The following MAP1S variants were observed in gnomAD, a reference collection of about 807,000 sequenced individuals.
MAP1S encodes microtubule associated protein 1S.
In MAP1S, 27 loss-of-function variants were observed where a neutral mutation model predicts 60.9. The ratio of observed to expected loss-of-function variants is 0.44; its 90% CI spans 0.33 to 0.61. MAP1S has a LOEUF of 0.61. Among genes scored for constraint, MAP1S ranks in the 20% least tolerant of loss-of-function variants. MAP1S has a pLI of 0.03. For missense variants in MAP1S, 1,608 were observed against 1,486.6 expected (o/e 1.08, Z -1.34); for synonymous variants, 826 against 694.2 (o/e 1.19, Z -2.98).
Position 17,725,876 on chromosome 19 carries a change from A to T in MAP1S, c.492A>T (p.Ile164=). 5 of 1,613,278 alleles carry T rather than the reference A, an allele frequency of 3.1e-6. No homozygotes were observed. Among genetic ancestry groups the T allele is most frequent in the Non-Finnish European group, 4.2e-6 (5 of 1,179,882 alleles). Reference sequence around the variant, plus strand: ...CGCCCCCACCTGTGCAGCCGCCCATACTCACCATCACCTGCCCCACCTTCG... The same window carrying T: ...CGCCCCCACCTGTGCAGCCGCCCATTCTCACCATCACCTGCCCCACCTTCG... The part of the protein sequence containing the change: ...ATTPPPVQPP[I]LTITCPTFGD... Residue 164 remains isoleucine (I), a synonymous_variant, in exon 5 of 7, where the codon ATA becomes ATT. Transcript: ENST00000324096. The surrounding 1 kb of genome is among the most constrained non-coding windows in gnomAD (Gnocchi z 4.2).
Position 17,728,118 on chromosome 19 carries a change from GCA to G in MAP1S, c.2736_2737del (p.Leu914ValfsTer51). The part of the protein sequence containing the change: ...RSEPSEKGGR[A>X]PLSRKSSTPK... ...TGAGCCCAGTGAGAAGGGAGGCCGGGCACCCCTGTCCAGAAAGTCCTCAACCC... is the reference window on the plus strand; with the variant it reads ...TGAGCCCAGTGAGAAGGGAGGCCGGGCCCCTGTCCAGAAAGTCCTCAACCC... On this transcript the variant is annotated frameshift_variant, in exon 5 of 7. Coordinates refer to ENST00000324096, the MANE Select transcript of MAP1S (RefSeq NM_018174.6). LOFTEE classifies it high-confidence loss of function. 6.2e-7 allele frequency: 1 copy of G among 1,611,508 alleles called. No homozygotes were observed. The highest frequency in any genetic ancestry group is 8.5e-7 in the Non-Finnish European group (1 of 1,178,966).
At chr19:17,721,811 C>T (rs1372569619) in intron 2 of MAP1S, among the ~76,000 whole-genome samples, 1 of 152,116 alleles carries the variant, frequency 6.6e-6, no homozygotes, top group African/African-American at 2.4e-5. Context: ...ATACAGTAGG[C>T]AGGGAACTGA....
Position 17,734,343 on chromosome 19 carries a change from A to C in MAP1S, c.3095A>C (p.Gln1032Pro), listed in dbSNP as rs1371178089. Residue 1032 changes from glutamine to proline, a missense_variant, in exon 7 of 7, where the codon CAG (glutamine) becomes CCG (proline). Transcript: ENST00000324096. ...TACGCAGAGACGCACGCCCGGCACC[A>C]GGCGCTGGGCATCACGGTGTTGGGC... ...TWYAETHARHQALGITVLGSN... is the reference protein window; with the variant it reads ...TWYAETHARHPALGITVLGSN... 1 of 1,613,748 alleles carries C rather than the reference A, an allele frequency of 6.2e-7. No homozygotes were observed. The highest frequency in any genetic ancestry group is 8.5e-7 in the Non-Finnish European group (1 of 1,179,934).
rs72339292 is a variant in MAP1S at position 17,729,528 on chromosome 19, CAG to C, written c.2788+1359_2788+1360del. Among the ~76,000 whole-genome samples, 1,380 of 152,202 alleles carry C rather than the reference CAG, an allele frequency of 9.1e-3. 25 individuals are homozygous for C. Among genetic ancestry groups the C allele is most frequent in the African/African-American group, 0.032 (1,332 of 41,530 alleles). The stretch of plus-strand genomic sequence containing the variant: ...GCTGTTCTTTGTTTTTTTTCTGAGA[CAG>C]AGTCTCACTCTGTCATCCAGGCTGG... On this transcript the variant is annotated intron_variant, in intron 5 of 6. Transcript: ENST00000324096.
At position 17,726,661 on chromosome 19, in the gene MAP1S, A is replaced by AGGTGGTGCGCGTGCTGTTCCCC; in HGVS notation, c.1281_1302dup (p.Cys435GlyfsTer66). Reference sequence around the variant, plus strand: ...TGGCACCCCGCCGGCCCCGGCGAGAAGGTGGTGCGCGTGCTGTTCCCCGGT... The same window carrying AGGTGGTGCGCGTGCTGTTCCCC: ...TGGCACCCCGCCGGCCCCGGCGAGAAGGTGGTGCGCGTGCTGTTCCCCGGTGGTGCGCGTGCTGTTCCCCGGT... On this transcript the variant is annotated frameshift_variant, in exon 5 of 7. Transcript: ENST00000324096. LOFTEE classifies it high-confidence loss of function. 6.3e-7 allele frequency: 1 copy of AGGTGGTGCGCGTGCTGTTCCCC among 1,582,028 alleles called. No individual in the cohort carries two copies. Among genetic ancestry groups the AGGTGGTGCGCGTGCTGTTCCCC allele is most frequent in the Non-Finnish European group, 8.6e-7 (1 of 1,168,198 alleles).
In MAP1S at chr19:17,727,264, C is replaced by T. The variant is rs1398977228; in HGVS notation, c.1880C>T (p.Pro627Leu). 2.5e-6 allele frequency: 4 copies of T among 1,577,434 alleles called. No individual in the cohort carries two copies. Among genetic ancestry groups the T allele is most frequent in the Non-Finnish European group, 3.4e-6 (4 of 1,167,182 alleles). ...PAGEEKALELPLAASSIPRPR... is the reference protein window; with the variant it reads ...PAGEEKALELLLAASSIPRPR... ...GGGGAGGAGAAGGCACTGGAGCTGCCTTTGGCCGCCAGCTCAATCCCAAGG... is the reference window on the plus strand; with the variant it reads ...GGGGAGGAGAAGGCACTGGAGCTGCTTTTGGCCGCCAGCTCAATCCCAAGG... The change falls in exon 5 of 7, where the codon CCT (proline) becomes CTT (leucine). Residue 627 changes from proline to leucine, a missense_variant. Coordinates refer to ENST00000324096, the MANE Select transcript of MAP1S (RefSeq NM_018174.6). The surrounding 1 kb of genome is among the most constrained non-coding windows in gnomAD (Gnocchi z 4.1).
intron 2 of MAP1S, chr19:17,721,398 C>A (rs111582267): frequency 3.5e-5 from 12 of 346,930 alleles, no homozygotes; most frequent in African/African-American, 2.6e-4. Context: ...TAGAATGAAC[C>A]GGGCGCGGTG....
At position 17,726,559 on chromosome 19, in the gene MAP1S, G is replaced by A. The variant is rs1213950939; in HGVS notation, c.1175G>A (p.Arg392Gln). 3 of 1,573,662 alleles carry A rather than the reference G, an allele frequency of 1.9e-6. No individual in the cohort carries two copies. The highest frequency in any genetic ancestry group is 2.6e-6 in the Non-Finnish European group (3 of 1,164,948). ...TVLFEKMGVGRLDMYVLHPPS... is the reference protein window; with the variant it reads ...TVLFEKMGVGQLDMYVLHPPS... ...CTCTTCGAGAAGATGGGCGTGGGCC[G>A]GCTGGACATGTATGTGCTGCACCCG... The change falls in exon 5 of 7, where the codon CGG becomes CAG. Residue 392 changes from arginine (R) to glutamine (Q), a missense_variant. Arg to Gln is a conservative substitution (Grantham distance 43). Coordinates refer to ENST00000324096, the MANE Select transcript of MAP1S (RefSeq NM_018174.6).
intron 5 of MAP1S, 93 bp from the exon 6 acceptor site, chr19:17,733,100 G>A: frequency 1.3e-6 from 1 of 780,184 alleles, no homozygotes; most frequent in Non-Finnish European, 2.0e-6. Flanking sequence ...GCTGAGGAGG[G>A]AGCTGCTCTG....
chr19:17,726,353 C>T lies in MAP1S; in HGVS notation c.969C>T (p.Asp323=). The part of the protein sequence containing the change: ...SEVAAGGGSW[D]DRLRRLISPN... ...TGGCTGCTGGTGGGGGCTCCTGGGACGACAGGCTGCGCAGGCTCATCTCCC... is the reference window on the plus strand; with the variant it reads ...TGGCTGCTGGTGGGGGCTCCTGGGATGACAGGCTGCGCAGGCTCATCTCCC... Residue 323 remains aspartate (D), a synonymous_variant, in exon 5 of 7, where the codon GAC becomes GAT. Transcript: ENST00000324096. 5 of 1,599,494 alleles carry T rather than the reference C, an allele frequency of 3.1e-6. No homozygotes were observed. Among genetic ancestry groups the T allele is most frequent in the East Asian group, 2.2e-5 (1 of 44,716 alleles).
chr19:17,720,020 C>A, intron 1 of MAP1S: 1 of 690,048 alleles, frequency 1.4e-6, no homozygotes, highest in Non-Finnish European at 1.8e-6. Flanking sequence ...AGATAGAGAT[C>A]TCCCGGAGGG....
chr19:17,727,764 C>T lies in MAP1S; in HGVS notation c.2380C>T (p.Leu794=), dbSNP rs1183273816. 6.2e-7 allele frequency: 1 copy of T among 1,609,586 alleles called. No homozygotes were observed. The highest frequency in any genetic ancestry group is 8.5e-7 in the Non-Finnish European group (1 of 1,177,978). ...PTSVSESLPT[L]SDSDPVPLAP... is the part of the protein sequence containing the mutation. Reference sequence around the variant, plus strand: ...ATCGGTCAGCGAGTCCCTGCCCACCCTGTCTGACTCGGATCCCGTGCCCCT... The same window carrying T: ...ATCGGTCAGCGAGTCCCTGCCCACCTTGTCTGACTCGGATCCCGTGCCCCT... The change falls in exon 5 of 7, where the codon CTG becomes TTG. Residue 794 remains leucine, a synonymous_variant. Transcript: ENST00000324096. The surrounding 1 kb of genome is among the most constrained non-coding windows in gnomAD (Gnocchi z 4.1).
At chr19:17,721,123 C>T in intron 2 of MAP1S, 86 bp downstream of exon 2, 2 of 1,040,104 alleles carry the variant, frequency 1.9e-6, no homozygotes, top group Admixed American at 1.7e-5. Flanking sequence ...GGGTGGGATG[C>T]AGCTATAAAT....
chr19:17,720,903 T>C (rs755216094), intron 1 of MAP1S, 33 bp from the exon 2 acceptor site: 5 of 1,555,066 alleles, frequency 3.2e-6, no homozygotes, highest in Non-Finnish European at 4.4e-6. Context: ...GGGGCCCGGC[T>C]GAACTCCCGC....
At position 17,726,464 on chromosome 19, in the gene MAP1S, C is replaced by T. The variant is rs752319374; in HGVS notation, c.1080C>T (p.Ser360=). Residue 360 remains serine, a synonymous_variant, in exon 5 of 7, where the codon AGC becomes AGT. Transcript: ENST00000324096. ...AGGATGAGGCGGAGCTGGCGCTGAGCCTCCTGGCGCAGCTGGGCATCACGC... is the reference window on the plus strand; with the variant it reads ...AGGATGAGGCGGAGCTGGCGCTGAGTCTCCTGGCGCAGCTGGGCATCACGC... The part of the protein sequence containing the change: ...RGEDEAELAL[S]LLAQLGITPL... The T allele has an allele frequency of 6.4e-7, 1 of 1,550,632 alleles. No individual in the cohort carries two copies.
chr19:17,728,049 C>T lies in MAP1S; in HGVS notation c.2665C>T (p.Leu889Phe), dbSNP rs1468398221. The change falls in exon 5 of 7, where the codon CTT becomes TTT. Residue 889 changes from leucine to phenylalanine, a missense_variant. Physicochemically the swap from Leu to Phe is conservative, Grantham distance 22. This residue lies in a region of MAP1S where 1,167 missense variants were observed against 961.4 expected (regional missense o/e 1.21). Transcript: ENST00000324096. ...TPVAAAKTKGLAGGDRASRPL... is the reference protein window; with the variant it reads ...TPVAAAKTKGFAGGDRASRPL... ...AGTGGCTGCTGCCAAAACCAAGGGG[C>T]TTGCTGGTGGGGACCGTGCCAGCCG... 6.2e-7 allele frequency: 1 copy of T among 1,612,464 alleles called. No individual in the cohort carries two copies. The highest frequency in any genetic ancestry group is 1.7e-5 in the Admixed American group (1 of 59,948).
In MAP1S at chr19:17,720,924, C is replaced by T. The variant is rs1329736336; in HGVS notation, c.119-12C>T. 1 of 1,607,818 alleles carries T rather than the reference C, an allele frequency of 6.2e-7. No individual in the cohort carries two copies. The highest frequency in any genetic ancestry group is 1.7e-5 in the Admixed American group (1 of 59,990). ...CGGCTGAACTCCCGCCTTGATCCCT[C>T]CTTCCCACCAGGCATCCGGTCTTGG... On this transcript the variant is annotated splice_polypyrimidine_tract_variant and intron_variant, in intron 1 of 6. Coordinates refer to ENST00000324096, the MANE Select transcript of MAP1S (RefSeq NM_018174.6).
intron 5 of MAP1S, among the ~76,000 whole-genome samples, chr19:17,730,154 T>G (rs934948128): frequency 6.6e-6 from 1 of 152,208 alleles, no homozygotes; most frequent in East Asian, 1.9e-4. Context: ...CCACAGCAGC[T>G]GCTTGACGCT....
chr19:17,723,248 G>A (rs753912787), intron 2 of MAP1S, among the ~76,000 whole-genome samples: 6 of 152,126 alleles, frequency 3.9e-5, no homozygotes, highest in Non-Finnish European at 7.4e-5. Flanking sequence ...CTCTCTGTCT[G>A]AAAAATAAAT....
Sources: allele counts gnomAD v4.1 joint callset (sites outside exome capture counted in the v4.1 genomes callset), GRCh38; gene constraint gnomAD v4.1.1; regional missense constraint gnomAD v4.1.1; non-coding constraint Gnocchi (gnomAD v3.1); transcripts MANE v1.5; gene names NCBI Gene and HGNC (gene_info 2026-07-23, HGNC 2026-07-21).